PNOC: variants seen among roughly 807,000 people sequenced by gnomAD.
PNOC encodes nociceptin.
Under a neutral mutation model 15.6 loss-of-function variants are expected in PNOC, and 10 were observed. The observed-to-expected ratio is 0.64, with a 90% CI of 0.40 to 1.09. The LOEUF (loss-of-function observed/expected upper bound fraction) is 1.09, where lower values mean the gene tolerates loss of function less well. Ranked by LOEUF, PNOC falls within the 50% of genes least tolerant of loss-of-function variation. The pLI is 0.01. For synonymous variants in PNOC, 98 were observed against 88.5 expected (o/e 1.11, Z -0.60); for missense variants, 220 against 223.9 (o/e 0.98, Z 0.11).
chr8:28,329,003 A>G (rs2614101), intron 1 of PNOC, 132 bp from the exon 2 acceptor site: 328,339 of 843,532 alleles, frequency 0.39, 70,289 homozygotes, highest in Non-Finnish European at 0.45. Flanking sequence ...AAAGTGAATC[A>G]CAGGCCCCTA....
At chr8:28,342,094 C>T (rs1315958364) in intron 3 of PNOC, among the ~76,000 whole-genome samples, 2 of 152,158 alleles carry the variant, frequency 1.3e-5, no homozygotes, top group Admixed American at 1.3e-4. Context: ...CCTATAATCC[C>T]AGTGCTTTGG....
At chr8:28,318,419 G>C (rs1034250092) in intron 1 of PNOC, among the ~76,000 whole-genome samples, 1 of 152,226 alleles carries the variant, frequency 6.6e-6, no homozygotes, top group African/African-American at 2.4e-5. Flanking sequence ...ACTAACAAAA[G>C]ATGAGCTTTG....
At position 28,342,959 on chromosome 8, in the gene PNOC, C is replaced by T; in HGVS notation, c.*65C>T. The T allele has an allele frequency of 5.1e-6, 5 of 985,334 alleles. No homozygotes were observed. The highest frequency in any genetic ancestry group is 6.0e-6 in the Non-Finnish European group (5 of 829,814). 61.0% of individuals were successfully genotyped at this position (985,334 alleles called of 1,614,324 possible). A position where few individuals can be genotyped will look rare whatever the true frequency, so the allele number is the denominator to read the frequency against. Reference sequence around the variant, plus strand: ...CTCCCCAGGCGTCCAGGTGATCCCCCAAACAGCATGTGCTCAGCCCCAGAC... The same window carrying T: ...CTCCCCAGGCGTCCAGGTGATCCCCTAAACAGCATGTGCTCAGCCCCAGAC... On this transcript the variant is annotated 3_prime_UTR_variant, in exon 4 of 4. Coordinates refer to ENST00000301908, the MANE Select transcript of PNOC (RefSeq NM_006228.5).
chr8:28,338,699 CA>C (rs1801456234), intron 2 of PNOC: 5 of 1,034,826 alleles, frequency 4.8e-6, no homozygotes, highest in East Asian at 8.3e-5. Flanking sequence ...TGCTTGGCTC[CA>C]AAAACCCGAC....
intron 2 of PNOC, among the ~76,000 whole-genome samples, chr8:28,330,396 A>ATTTTATTTTATTTTTTTTTT (rs377288105): frequency 1.6e-4 from 13 of 80,452 alleles, no homozygotes; most frequent in African/African-American, 4.7e-4. Context: ...ATTTTATTTT[A>ATTTTATTTTATTTTTTTTTT]TTTTTTTTTT....
chr8:28,333,443 C>T (rs1311636635), intron 2 of PNOC, among the ~76,000 whole-genome samples: 1 of 152,198 alleles, frequency 6.6e-6, no homozygotes, highest in East Asian at 1.9e-4. Context: ...ATTAACCCAT[C>T]TCTGGAAAAA....
Position 28,329,178 on chromosome 8 carries a change from C to T in PNOC, c.21C>T (p.Asp7=). 1 of 1,613,940 alleles carries T rather than the reference C, an allele frequency of 6.2e-7. No individual in the cohort carries two copies. Among genetic ancestry groups the T allele is most frequent in the Middle Eastern group, 1.7e-4 (1 of 6,060 alleles). The change falls in exon 2 of 4, where the codon GAC becomes GAT. Residue 7 remains aspartate (D), a synonymous_variant. Transcript: ENST00000301908. MKVLLC[D]LLLLSLFSSV... is the part of the protein sequence containing the mutation. ...GCACCATGAAAGTCCTGCTTTGTGACCTGCTGCTGCTCAGTCTCTTCTCCA... is the reference window on the plus strand; with the variant it reads ...GCACCATGAAAGTCCTGCTTTGTGATCTGCTGCTGCTCAGTCTCTTCTCCA...
intron 2 of PNOC, among the ~76,000 whole-genome samples, chr8:28,330,464 G>A (rs772304908): frequency 2.4e-4 from 33 of 136,648 alleles, no homozygotes; most frequent in Non-Finnish European, 4.8e-4. Context: ...GCGCAACCTC[G>A]GCTCACTGCA....
chr8:28,324,759 A>G (rs1801198688), intron 1 of PNOC, among the ~76,000 whole-genome samples: 1 of 152,126 alleles, frequency 6.6e-6, no homozygotes, highest in Admixed American at 6.5e-5. Context: ...GCTACTGAGG[A>G]GGCTGAGGCA....
chr8:28,332,221 C>T (rs1242124478), intron 2 of PNOC, among the ~76,000 whole-genome samples: 3 of 152,172 alleles, frequency 2.0e-5, no homozygotes, highest in Non-Finnish European at 4.4e-5. Flanking sequence ...CACTTTTAAC[C>T]TATGTTTAAG....
At chr8:28,319,304 G>A (rs1489306126) in intron 1 of PNOC, among the ~76,000 whole-genome samples, 1 of 152,090 alleles carries the variant, frequency 6.6e-6, no homozygotes, top group African/African-American at 2.4e-5. Flanking sequence ...GAGGAGAGAC[G>A]TAACACAAAC....
rs769279410 is a variant in PNOC at position 28,339,089 on chromosome 8, C to T, written c.176C>T (p.Thr59Ile). The T allele has an allele frequency of 4.6e-5, 73 of 1,602,718 alleles. No homozygotes were observed. The highest frequency in any genetic ancestry group is 1.7e-4 in the Middle Eastern group (1 of 6,056). The change falls in exon 3 of 4, where the codon ACT (threonine) becomes ATT (isoleucine). Residue 59 changes from threonine to isoleucine, a missense_variant. Thr to Ile is a moderately conservative substitution (Grantham distance 89). Coordinates refer to ENST00000301908, the MANE Select transcript of PNOC (RefSeq NM_006228.5). ...EEKVFPSPLWTPCTKVMARSS... is the reference protein window; with the variant it reads ...EEKVFPSPLWIPCTKVMARSS... The stretch of plus-strand genomic sequence containing the variant: ...AAGGTCTTCCCCAGCCCCCTCTGGA[C>T]TCCATGCACCAAGGTCATGGCCAGG...
intron 2 of PNOC, among the ~76,000 whole-genome samples, chr8:28,331,008 C>T (rs140965393): frequency 1.3e-5 from 2 of 152,202 alleles, no homozygotes; most frequent in East Asian, 3.9e-4. Flanking sequence ...GGCAAATGTA[C>T]AAATGTAGAA....
chr8:28,320,775 C>T (rs1036758802), intron 1 of PNOC, among the ~76,000 whole-genome samples: 2 of 145,944 alleles, frequency 1.4e-5, no homozygotes, highest in Non-Finnish European at 3.0e-5. Context: ...GGCGTGAACT[C>T]GGGAGGTGGA....
At chr8:28,341,336 C>A (rs1415075574) in intron 3 of PNOC, among the ~76,000 whole-genome samples, 6 of 152,214 alleles carry the variant, frequency 3.9e-5, no homozygotes, top group African/African-American at 1.2e-4. Flanking sequence ...AATTAACCTG[C>A]ACTGCTTTTG....
intron 2 of PNOC, among the ~76,000 whole-genome samples, chr8:28,330,925 A>C (rs946133820): frequency 2.6e-5 from 4 of 152,200 alleles, no homozygotes; most frequent in Non-Finnish European, 4.4e-5. Flanking sequence ...TAGTCAAATA[A>C]CTTCCTTCAA....
In PNOC at chr8:28,329,278, C is replaced by A; in HGVS notation, c.121C>A (p.Leu41Met). ...CCACCCAGCCCTGGACAGCTTCGAC[C>A]TGGAGGTAGGTCTCCAAGGCAAGGC... Reference protein sequence around the residue: ...KLHPALDSFDLEVCILECEEK... With the variant: ...KLHPALDSFDMEVCILECEEK... Residue 41 changes from leucine (L) to methionine (M), a missense_variant, in exon 2 of 4, where the codon CTG becomes ATG. Leu to Met is a conservative substitution (Grantham distance 15, BLOSUM62 2). Transcript: ENST00000301908. 5.6e-6 allele frequency: 9 copies of A among 1,613,408 alleles called. No homozygotes were observed. The highest frequency in any genetic ancestry group is 7.6e-6 in the Non-Finnish European group (9 of 1,180,036).
At chr8:28,329,102 T>C in intron 1 of PNOC, 33 bp from the exon 2 acceptor site, 1 of 1,606,584 alleles carries the variant, frequency 6.2e-7, no homozygotes, top group Non-Finnish European at 8.5e-7. Context: ...CGAGAATGGC[T>C]GTACTCATTG....
intron 1 of PNOC, among the ~76,000 whole-genome samples, chr8:28,327,870 G>T (rs1801251547): frequency 6.6e-6 from 1 of 151,860 alleles, no homozygotes; most frequent in African/African-American, 2.4e-5. Flanking sequence ...TGAGATCAAG[G>T]TGCCTGCAGA....
Sources: allele counts gnomAD v4.1 joint callset (sites outside exome capture counted in the v4.1 genomes callset), GRCh38; gene constraint gnomAD v4.1.1; transcripts MANE v1.5; gene names NCBI Gene and HGNC (gene_info 2026-07-23, HGNC 2026-07-21).